PARD3: variants seen among roughly 807,000 people sequenced by gnomAD.
PARD3 encodes the protein partitioning defective 3 homolog.
In PARD3, 75 loss-of-function variants were observed where a neutral mutation model predicts 155.4. The observed-to-expected ratio is 0.48, with a 90% CI of 0.40 to 0.58. The LOEUF is 0.58. PARD3 is among the 20% of genes least tolerant of loss of function. The pLI is 0.00. For missense variants in PARD3, 1,642 were observed against 1,721.7 expected, an observed-to-expected ratio of 0.95 and a Z score of 0.82; for synonymous variants, 576 against 610.5, an observed-to-expected ratio of 0.94 and a Z score of 0.83.
At chr10:34,678,923 C>T (rs1428167142) in intron 2 of PARD3, among the ~76,000 whole-genome samples, 1 of 152,004 alleles carries the variant, frequency 6.6e-6, no homozygotes, top group African/African-American at 2.4e-5. Flanking sequence ...AACCTTAACG[C>T]CTTCACCGAA....
chr10:34,130,306 C>T (rs561614808), intron 23 of PARD3, among the ~76,000 whole-genome samples: 3 of 152,268 alleles, frequency 2.0e-5, no homozygotes, highest in Admixed American at 2.0e-4. Flanking sequence ...CTGGACCACA[C>T]GATGCTTCCC....
chr10:34,474,267 G>C (rs933620092), intron 3 of PARD3, among the ~76,000 whole-genome samples: 1 of 152,168 alleles, frequency 6.6e-6, no homozygotes, highest in Non-Finnish European at 1.5e-5. Flanking sequence ...TAAGACCTGA[G>C]TCATCACAGT....
At chr10:34,684,487 T>C (rs1404956366) in intron 2 of PARD3, among the ~76,000 whole-genome samples, 1 of 152,080 alleles carries the variant, frequency 6.6e-6, no homozygotes, top group Non-Finnish European at 1.5e-5. Context: ...CTCCCATCCC[T>C]AGTCTGGCAA....
intron 22 of PARD3, among the ~76,000 whole-genome samples, chr10:34,237,447 C>A (rs914739016): frequency 2.0e-5 from 3 of 152,158 alleles, no homozygotes; most frequent in Non-Finnish European, 2.9e-5. Flanking sequence ...TACTTCTATA[C>A]GCACTGTATA....
intron 1 of PARD3, among the ~76,000 whole-genome samples, chr10:34,804,323 C>G (rs1348224919): frequency 6.6e-6 from 1 of 152,194 alleles, no homozygotes; most frequent in African/African-American, 2.4e-5. Flanking sequence ...AGGCATGAGC[C>G]ACTGCACTTG....
chr10:34,728,859 G>A (rs1021395834), intron 1 of PARD3, among the ~76,000 whole-genome samples: 1 of 152,220 alleles, frequency 6.6e-6, no homozygotes, highest in African/African-American at 2.4e-5. Flanking sequence ...ATGCAGCCAT[G>A]TACTGCATAA....
chr10:34,424,574 G>A (rs1198466501), intron 5 of PARD3, among the ~76,000 whole-genome samples: 2 of 151,976 alleles, frequency 1.3e-5, no homozygotes, highest in African/African-American at 4.8e-5. Flanking sequence ...GAGTGCAATG[G>A]CATGGTCTCA....
At position 34,399,564 on chromosome 10, in the gene PARD3, T is replaced by C. The variant is rs529360026; in HGVS notation, c.807-151A>G. 1.8e-3 allele frequency: 1,144 copies of C among 624,722 alleles called. 2 individuals carry two copies. The highest frequency in any genetic ancestry group is 2.5e-3 in the Non-Finnish European group (859 of 348,290). The allele number at this position is 624,722 out of a possible 1,614,324, so 38.7% of individuals were successfully genotyped here. On this transcript the variant is annotated intron_variant, in intron 6 of 24. Transcript: ENST00000374788. The stretch of plus-strand genomic sequence containing the variant: ...AAATCCCACCAAGTGCATAGGCATA[T>C]ATATACATATTCTGGAATATAAGCA...
At chr10:34,505,030 T>C (rs944559502) in intron 3 of PARD3, among the ~76,000 whole-genome samples, 1 of 151,356 alleles carries the variant, frequency 6.6e-6, no homozygotes, top group Non-Finnish European at 1.5e-5. Context: ...GATTGAAAGA[T>C]AAAAACAAAA....
At chr10:34,397,572 C>G (rs1843457484) in intron 7 of PARD3, among the ~76,000 whole-genome samples, 1 of 152,124 alleles carries the variant, frequency 6.6e-6, no homozygotes, top group South Asian at 2.1e-4. Context: ...CCATGGTAAC[C>G]AGAAACTGTG....
intron 2 of PARD3, among the ~76,000 whole-genome samples, chr10:34,648,347 GC>G (rs2092907050): frequency 6.6e-6 from 1 of 152,204 alleles, no homozygotes; most frequent in African/African-American, 2.4e-5. Flanking sequence ...GCCAAGAGCT[GC>G]CGTGAATGGC....
chr10:34,338,693 G>A (rs933347027), intron 16 of PARD3, among the ~76,000 whole-genome samples: 1 of 152,244 alleles, frequency 6.6e-6, no homozygotes, highest in Non-Finnish European at 1.5e-5. Context: ...TGCATGAAAT[G>A]AGAGTTGGCT....
At chr10:34,663,682 C>T (rs1049653074) in intron 2 of PARD3, among the ~76,000 whole-genome samples, 13 of 152,202 alleles carry the variant, frequency 8.5e-5, no homozygotes, top group African/African-American at 3.1e-4. Flanking sequence ...TGGGGTGGCA[C>T]CCTGTTTATG....
intron 1 of PARD3, among the ~76,000 whole-genome samples, chr10:34,754,453 A>C (rs1005576571): frequency 2.6e-5 from 4 of 152,236 alleles, no homozygotes; most frequent in African/African-American, 9.6e-5. Flanking sequence ...ACTTTCCCAA[A>C]TAAGCAAGTT....
intron 19 of PARD3, among the ~76,000 whole-genome samples, chr10:34,328,426 G>A (rs1236475102): frequency 6.6e-6 from 1 of 152,024 alleles, no homozygotes; most frequent in Non-Finnish European, 1.5e-5. Flanking sequence ...GAAGGACTTC[G>A]GAAACCATCT....
intron 1 of PARD3, among the ~76,000 whole-genome samples, chr10:34,766,979 A>C (rs1398277111): frequency 1.3e-5 from 2 of 152,118 alleles, no homozygotes; most frequent in African/African-American, 2.4e-5. Context: ...TCCCAGGGAG[A>C]AGAGGTCCCA....
At chr10:34,382,408 C>A in intron 9 of PARD3, 132 bp downstream of exon 9, 1 of 840,556 alleles carries the variant, frequency 1.2e-6, no homozygotes, top group Non-Finnish European at 1.9e-6. Flanking sequence ...TCAGTTCTTT[C>A]ACAAAATAAT....
At chr10:34,636,204 A>G (rs369934159) in intron 2 of PARD3, among the ~76,000 whole-genome samples, 110 of 152,206 alleles carry the variant, frequency 7.2e-4, no homozygotes, top group African/African-American at 2.4e-3. Flanking sequence ...GGCCCTCATC[A>G]GTTTAAACCA....
intron 22 of PARD3, among the ~76,000 whole-genome samples, chr10:34,171,950 CAAAAAAAAAAAAAAAAAAAAA>C (rs71033303): frequency 3.2e-4 from 15 of 47,246 alleles, no homozygotes; most frequent in Admixed American, 6.8e-4. Flanking sequence ...GACTCCATCT[CAAAAAAAAAAAAAAAAAAAAA>C]AAAAAAAAAA....
Sources: gnomAD v4.1 joint callset for allele counts (sites outside exome capture counted in the v4.1 genomes callset) on GRCh38, gnomAD v4.1.1 for gene constraint, MANE v1.5 for transcripts, NCBI Gene and HGNC (gene_info 2026-07-23, HGNC 2026-07-21) for gene names.